The following OSBPL2 variants were observed in gnomAD, a reference collection of about 807,000 sequenced individuals.
The protein encoded by OSBPL2 is oxysterol binding protein like 2, also known as oxysterol-binding protein-related protein 2.
OSBPL2 carries 18 observed loss-of-function variants against 58.4 expected under a neutral mutation model. The ratio of observed to expected loss-of-function variants is 0.31; its 90% CI spans 0.21 to 0.46. The LOEUF is 0.46. Ranked by LOEUF, OSBPL2 falls within the 20% of genes least tolerant of loss-of-function variation. OSBPL2 has a pLI of 1.00. For synonymous variants in OSBPL2, 221 were observed against 234.1 expected (o/e 0.94, Z 0.51); for missense variants, 461 against 616.5 (o/e 0.75, Z 2.67).
At chr20:62,292,454 G>A (rs2379130) in intron 13 of OSBPL2, among the ~76,000 whole-genome samples, 67,154 of 151,910 alleles carry the variant, frequency 0.44, 14,858 homozygotes, top group Middle Eastern at 0.48. Flanking sequence ...GGCATGGGCT[G>A]CGTGGGCCTC....
rs372117213 is a variant in OSBPL2 at position 62,266,454 on chromosome 20, T to G, written c.258+2763T>G. ...ACAGACTCAGACAGTGGTGAGCTCA[T>G]GTCCCCATAGCTGGATCTGCAGTGA... On this transcript the variant is annotated intron_variant, in intron 4 of 13. Transcript: ENST00000313733. Among the ~76,000 whole-genome samples the G allele has an allele frequency of 9.2e-5, 14 of 152,344 alleles. No homozygotes were observed. In the East Asian group the frequency reaches 1.2e-3, roughly 13 times the overall value.
At chr20:62,252,723 C>T (rs1437920426) in intron 1 of OSBPL2, among the ~76,000 whole-genome samples, 5 of 152,242 alleles carry the variant, frequency 3.3e-5, no homozygotes, top group African/African-American at 7.2e-5. Context: ...TTCTGCTCTA[C>T]GGGAAACATG....
At chr20:62,250,808 C>T (rs1392280512) in intron 1 of OSBPL2, among the ~76,000 whole-genome samples, 2 of 152,004 alleles carry the variant, frequency 1.3e-5, no homozygotes, top group African/African-American at 4.8e-5. Context: ...GCCTGTGGTC[C>T]CAGCTACTCA....
chr20:62,274,699 C>T (rs955788390), intron 6 of OSBPL2, among the ~76,000 whole-genome samples: 1 of 152,190 alleles, frequency 6.6e-6, no homozygotes, highest in Non-Finnish European at 1.5e-5. Context: ...ACAGAGCTCG[C>T]TCCGCCTGCC....
intron 1 of OSBPL2, among the ~76,000 whole-genome samples, chr20:62,249,624 G>C (rs1371917485): frequency 1.3e-5 from 2 of 152,142 alleles, no homozygotes; most frequent in African/African-American, 4.8e-5. Flanking sequence ...GCCCAGGCTG[G>C]AGTGCAGTGG....
In OSBPL2 at chr20:62,245,475, C is replaced by T. The variant is rs540276346; in HGVS notation, c.-129+6878C>T. ...TTGTGATGAGCCACGTAGAGCCCCA[C>T]GCTAAGAAGAACCATACAGGCCTGA... On this transcript the variant is annotated intron_variant, in intron 1 of 13. Coordinates refer to ENST00000313733, the MANE Select transcript of OSBPL2 (RefSeq NM_144498.4). Among the ~76,000 whole-genome samples the T allele has an allele frequency of 1.4e-4, 21 of 152,294 alleles. No individual in the cohort carries two copies. The South Asian group carries it at 2.5e-3, about 18-fold the overall frequency.
At chr20:62,261,999 CT>C (rs1390011593) in intron 3 of OSBPL2, among the ~76,000 whole-genome samples, 1 of 152,126 alleles carries the variant, frequency 6.6e-6, no homozygotes, top group Non-Finnish European at 1.5e-5. Flanking sequence ...AGTGATCCAC[CT>C]GCCTCGGCCT....
Position 62,296,015 on chromosome 20 carries a change from G to C in OSBPL2, c.*2128G>C, listed in dbSNP as rs890432234. 6.6e-6 allele frequency: 1 copy of C among 152,220 alleles called. No individual in the cohort carries two copies. Among genetic ancestry groups the C allele is most frequent in the South Asian group, 2.1e-4 (1 of 4,830 alleles). The allele number at this position is 152,220 out of a possible 1,614,324, so 9.4% of individuals were successfully genotyped here. On this transcript the variant is annotated 3_prime_UTR_variant, in exon 14 of 14. Transcript: ENST00000313733. The stretch of plus-strand genomic sequence containing the variant: ...ACCAAACCAGAGGTGGAGGAAGAAC[G>C]GTAGGAAGGCTGATGGCAAAAGCGG...
chr20:62,270,124 C>T (rs1318874620), intron 4 of OSBPL2, among the ~76,000 whole-genome samples: 6 of 152,242 alleles, frequency 3.9e-5, no homozygotes, highest in Non-Finnish European at 7.3e-5. Context: ...CCCCGCCCAC[C>T]CTCCGTCCAC....
intron 8 of OSBPL2, 75 bp downstream of exon 8, chr20:62,281,240 C>A: frequency 1.8e-6 from 2 of 1,096,002 alleles, no homozygotes; most frequent in Non-Finnish European, 2.8e-6. Context: ...CGTGAGCATC[C>A]GTGCTCCTGG....
Position 62,281,090 on chromosome 20 carries a change from C to T in OSBPL2, c.707C>T (p.Thr236Ile), listed in dbSNP as rs1344132730. The T allele has an allele frequency of 3.7e-6, 6 of 1,614,032 alleles. No homozygotes were observed. The highest frequency in any genetic ancestry group is 5.1e-6 in the Non-Finnish European group (6 of 1,179,992). The part of the protein sequence containing the change: ...HNEAYTWTNP[T>I]CCVHNVIIGK... ...GAAGCCTACACCTGGACCAACCCCA[C>T]CTGCTGCGTCCACAACGTCATCATC... Residue 236 changes from threonine (T) to isoleucine (I), a missense_variant, in exon 8 of 14, where the codon ACC becomes ATC. By Grantham distance (89) the Thr-to-Ile change is moderately conservative. Around this residue, in one of 5 missense-constraint regions of OSBPL2, gnomAD observed 319 missense variants for 419.2 expected, o/e 0.76. Transcript: ENST00000313733.
At chr20:62,273,117 G>A (rs1292280149) in intron 5 of OSBPL2, among the ~76,000 whole-genome samples, 192 bp from the exon 6 acceptor site, 1 of 152,204 alleles carries the variant, frequency 6.6e-6, no homozygotes, top group Admixed American at 6.5e-5. Context: ...TGCTGTCGGG[G>A]GAGTGGCGGG....
chr20:62,248,211 A>G (rs1339015841), intron 1 of OSBPL2, among the ~76,000 whole-genome samples: 4 of 134,128 alleles, frequency 3.0e-5, no homozygotes, highest in South Asian at 4.5e-4. Context: ...CTGGAGTGCA[A>G]TGGCTAAATC....
chr20:62,259,867 G>A (rs557785642), intron 2 of OSBPL2, 114 bp from the exon 3 acceptor site: 246 of 920,454 alleles, frequency 2.7e-4, no homozygotes, highest in Middle Eastern at 2.5e-3. Flanking sequence ...AAATGTGTCC[G>A]TTCACACAAC....
intron 4 of OSBPL2, among the ~76,000 whole-genome samples, chr20:62,266,027 C>G (rs1268346755): frequency 6.6e-6 from 1 of 152,028 alleles, no homozygotes; most frequent in Non-Finnish European, 1.5e-5. Context: ...GAGGCTGAGA[C>G]AGGAGGATGG....
At chr20:62,292,961 C>T (rs367649862) in intron 13 of OSBPL2, among the ~76,000 whole-genome samples, 1 of 151,880 alleles carries the variant, frequency 6.6e-6, no homozygotes, top group Middle Eastern at 3.4e-3. Flanking sequence ...TCCGCCCCTC[C>T]GGGTTCACAC....
chr20:62,241,332 A>G (rs1174979713), intron 1 of OSBPL2, among the ~76,000 whole-genome samples: 1 of 152,214 alleles, frequency 6.6e-6, no homozygotes, highest in African/African-American at 2.4e-5. Context: ...AGCTGGGACT[A>G]CAGGCGCCCG....
In OSBPL2 at chr20:62,251,489, A is replaced by C. The variant is rs188576935; in HGVS notation, c.-128-4568A>C. ...AGTAGTGCAATCTCGGCTCACTGCAACCTCTGCCTCCTGGGTTCAAGTGAT... is the reference window on the plus strand; with the variant it reads ...AGTAGTGCAATCTCGGCTCACTGCACCCTCTGCCTCCTGGGTTCAAGTGAT... On this transcript the variant is annotated intron_variant, in intron 1 of 13. Coordinates refer to ENST00000313733, the MANE Select transcript of OSBPL2 (RefSeq NM_144498.4). Among the ~76,000 whole-genome samples, 761 of 149,226 alleles carry C rather than the reference A, an allele frequency of 5.1e-3. 3 individuals carry two copies. Among genetic ancestry groups the C allele is most frequent in the African/African-American group, 0.018 (718 of 40,366 alleles).
At chr20:62,272,095 G>A (rs1482505603) in intron 4 of OSBPL2, 30 bp from the exon 5 acceptor site, 4 of 1,612,406 alleles carry the variant, frequency 2.5e-6, no homozygotes, top group Non-Finnish European at 3.4e-6. Flanking sequence ...GAAGGCAGCA[G>A]TAACCAGCGA....
Sources: gnomAD v4.1 joint callset for allele counts (sites outside exome capture counted in the v4.1 genomes callset) on GRCh38, gnomAD v4.1.1 for gene constraint, gnomAD v4.1.1 regional missense constraint, MANE v1.5 for transcripts, NCBI Gene and HGNC (gene_info 2026-07-23, HGNC 2026-07-21) for gene names.